Variants in AMPH observed in about 807,000 individuals in gnomAD.
AMPH encodes the protein amphiphysin (Stiff-Mann syndrome with breast cancer 128kD autoantigen).
AMPH carries 49 observed loss-of-function variants against 99.1 expected under a neutral mutation model. That is an observed-to-expected ratio of 0.49 (90% confidence interval 0.39 to 0.63). The LOEUF (loss-of-function observed/expected upper bound fraction) is 0.63, where lower values mean the gene tolerates loss of function less well. Among genes scored for constraint, AMPH ranks in the 20% least tolerant of loss-of-function variants. The probability of loss-of-function intolerance (pLI) is 0.00; values close to 1 mark genes in which losing one functional copy is unlikely to be tolerated. For missense variants in AMPH, 759 were observed against 863.4 expected (o/e 0.88, Z 1.52); for synonymous variants, 314 against 317.3 (o/e 0.99, Z 0.11).
At position 38,587,791 on chromosome 7, in the gene AMPH, C is replaced by A. The variant is rs186289784; in HGVS notation, c.69+43492G>T. ...ACTGTCATAATAATTGTGCTGCCAA[C>A]GGTGCTCATTCTCTAACCCTAACCT... On this transcript the variant is annotated intron_variant, in intron 1 of 20. Coordinates refer to ENST00000356264, the MANE Select transcript of AMPH (RefSeq NM_001635.4). 5.1e-4 allele frequency among the ~76,000 whole-genome samples: 77 copies of A among 152,170 alleles called. 1 individual carries two copies. The highest frequency in any genetic ancestry group is 6.8e-3 in the Middle Eastern group (2 of 294).
chr7:38,551,738 G>A (rs1440847114), intron 1 of AMPH, among the ~76,000 whole-genome samples: 2 of 152,190 alleles, frequency 1.3e-5, no homozygotes, highest in Non-Finnish European at 2.9e-5. Flanking sequence ...GAGGAAAAGA[G>A]AAACAGAAAG....
chr7:38,567,249 T>C (rs1791778637), intron 1 of AMPH, among the ~76,000 whole-genome samples: 1 of 152,118 alleles, frequency 6.6e-6, no homozygotes, highest in South Asian at 2.1e-4. Context: ...GGGACATGGA[T>C]AAAGCTGGAA....
intron 2 of AMPH, among the ~76,000 whole-genome samples, chr7:38,525,445 C>CGTGTGTGTGTGT (rs146505083): frequency 3.6e-4 from 45 of 125,492 alleles, no homozygotes; most frequent in African/African-American, 1.2e-3. Context: ...CTCATTTGTG[C>CGTGTGTGTGTGT]GTGTGTGTGT....
intron 11 of AMPH, among the ~76,000 whole-genome samples, chr7:38,456,282 T>C (rs1349392660): frequency 6.6e-6 from 1 of 152,150 alleles, no homozygotes; most frequent in Non-Finnish European, 1.5e-5. Flanking sequence ...ATGAGAGGCT[T>C]TGACCTCCCT....
intron 2 of AMPH, among the ~76,000 whole-genome samples, chr7:38,526,655 A>G (rs1169437642): frequency 6.6e-6 from 1 of 151,890 alleles, no homozygotes; most frequent in African/African-American, 2.4e-5. Flanking sequence ...TCTTTTACGT[A>G]TTCTGGATAC....
At chr7:38,615,580 C>A (rs1303072950) in intron 1 of AMPH, among the ~76,000 whole-genome samples, 3 of 152,042 alleles carry the variant, frequency 2.0e-5, no homozygotes, top group Non-Finnish European at 4.4e-5. Flanking sequence ...AGAAAATATA[C>A]CCCAATTTTC....
chr7:38,535,035 G>A (rs1160718445), intron 1 of AMPH, 24 bp from the exon 2 acceptor site: 2 of 1,584,988 alleles, frequency 1.3e-6, no homozygotes, highest in Non-Finnish European at 1.7e-6. Flanking sequence ...AAAACAAAAT[G>A]GTTTAATTTA....
chr7:38,476,379 G>C (rs986511329), intron 6 of AMPH, among the ~76,000 whole-genome samples: 1 of 152,226 alleles, frequency 6.6e-6, no homozygotes, highest in Non-Finnish European at 1.5e-5. Flanking sequence ...AGAGGGTATA[G>C]TTAGGAGGTG....
chr7:38,579,605 A>T (rs1792372530), intron 1 of AMPH, among the ~76,000 whole-genome samples: 1 of 152,242 alleles, frequency 6.6e-6, no homozygotes, highest in Non-Finnish European at 1.5e-5. Context: ...TTAAGAGATA[A>T]CTCAATATCC....
intron 13 of AMPH, chr7:38,430,141 A>G (rs1785951387): frequency 4.7e-6 from 2 of 421,086 alleles, no homozygotes. Context: ...CTTCTGCTTT[A>G]GCAGACTCTG....
At chr7:38,455,760 C>T (rs1787207551) in intron 11 of AMPH, among the ~76,000 whole-genome samples, 1 of 152,206 alleles carries the variant, frequency 6.6e-6, no homozygotes, top group Non-Finnish European at 1.5e-5. Context: ...AGAGAACTCA[C>T]AAGGAGCCCC....
intron 17 of AMPH, among the ~76,000 whole-genome samples, chr7:38,415,195 C>T (rs1274470703): frequency 1.3e-5 from 2 of 152,062 alleles, no homozygotes; most frequent in African/African-American, 4.8e-5. Flanking sequence ...TTTGGAAACA[C>T]CGTTAAAATT....
intron 13 of AMPH, among the ~76,000 whole-genome samples, chr7:38,431,423 C>T (rs960381091): frequency 7.2e-5 from 11 of 152,030 alleles, no homozygotes; most frequent in Admixed American, 1.3e-4. Flanking sequence ...TTTGGGAGGC[C>T]GAGGCGGGCA....
intron 17 of AMPH, among the ~76,000 whole-genome samples, chr7:38,411,819 A>G (rs867145407): frequency 6.6e-6 from 1 of 152,234 alleles, no homozygotes; most frequent in African/African-American, 2.4e-5. Flanking sequence ...GTTGATGACC[A>G]GGAATGGTTT....
intron 2 of AMPH, among the ~76,000 whole-genome samples, chr7:38,524,016 T>G (rs1790071362): frequency 6.6e-6 from 1 of 152,198 alleles, no homozygotes; most frequent in Admixed American, 6.5e-5. Context: ...TACCTGCATA[T>G]CATCTGTTGA....
At chr7:38,408,146 C>T (rs1785104995) in intron 17 of AMPH, among the ~76,000 whole-genome samples, 1 of 152,196 alleles carries the variant, frequency 6.6e-6, no homozygotes, top group Non-Finnish European at 1.5e-5. Context: ...TGTTTTCTCA[C>T]ACCATCCCAT....
Position 38,516,407 on chromosome 7 carries a change from C to G in AMPH, c.151-12703G>C, listed in dbSNP as rs189884433. On this transcript the variant is annotated intron_variant, in intron 2 of 20. Coordinates refer to ENST00000356264, the MANE Select transcript of AMPH (RefSeq NM_001635.4). ...CCCAGAGAAGTCTCAGACCACTGCT[C>G]CAGAGGATGTAAGCTATAAGGCTTG... 2.6e-5 allele frequency among the ~76,000 whole-genome samples: 4 copies of G among 152,290 alleles called. No individual in the cohort carries two copies. In the East Asian group the frequency reaches 7.7e-4, roughly 29 times the overall value.
Position 38,631,319 on chromosome 7 carries a change from C to A in AMPH, c.33G>T (p.Lys11Asn). The change falls in exon 1 of 21, where the codon AAG becomes AAT. Residue 11 changes from lysine (K) to asparagine (N), a missense_variant. Lys to Asn is a moderately conservative substitution (Grantham distance 94). This residue lies in a region of AMPH where 205 missense variants were observed against 287.9 expected (regional missense o/e 0.71). Coordinates refer to ENST00000356264, the MANE Select transcript of AMPH (RefSeq NM_001635.4). MADIKTGIFA[K>N]NVQKRLNRAQ... ...CGCGGTTGAGTCGCTTCTGGACGTTCTTGGCGAAGATGCCCGTCTTGATGT... is the reference window on the plus strand; with the variant it reads ...CGCGGTTGAGTCGCTTCTGGACGTTATTGGCGAAGATGCCCGTCTTGATGT... 1 of 1,545,568 alleles carries A rather than the reference C, an allele frequency of 6.5e-7. No homozygotes were observed. Among genetic ancestry groups the A allele is most frequent in the Non-Finnish European group, 8.7e-7 (1 of 1,146,340 alleles).
chr7:38,426,886 C>G (rs187620602), intron 15 of AMPH, 68 bp downstream of exon 15: 3 of 1,494,708 alleles, frequency 2.0e-6, no homozygotes, highest in Admixed American at 3.4e-5. Flanking sequence ...CACAGAGAAC[C>G]AAACCACATT....
Sources: gnomAD v4.1 joint callset for allele counts (sites outside exome capture counted in the v4.1 genomes callset) on GRCh38, gnomAD v4.1.1 for gene constraint, gnomAD v4.1.1 regional missense constraint, MANE v1.5 for transcripts, NCBI Gene and HGNC (gene_info 2026-07-23, HGNC 2026-07-21) for gene names.